Variants in SLIT3 observed in about 807,000 individuals in gnomAD.
The protein encoded by SLIT3 is slit guidance ligand 3.
In SLIT3, 68 loss-of-function variants were observed where a neutral mutation model predicts 184.0. The observed-to-expected ratio is 0.37, with a 90% confidence interval of 0.30 to 0.45. The LOEUF (loss-of-function observed/expected upper bound fraction) is 0.45, where lower values mean the gene tolerates loss of function less well. SLIT3 is among the 20% of genes least tolerant of loss of function. The pLI, the probability that SLIT3 is intolerant of heterozygous loss-of-function variation, is 1.00. For synonymous variants in SLIT3, 831 were observed against 828.6 expected (o/e 1.00, Z -0.05); for missense variants, 1,707 against 2,026.0 (o/e 0.84, Z 3.02).
chr5:169,144,358 C>G (rs1761857577), intron 4 of SLIT3, among the ~76,000 whole-genome samples: 1 of 152,166 alleles, frequency 6.6e-6, no homozygotes, highest in East Asian at 1.9e-4. Context: ...TGTCATGGCC[C>G]CTGCTTTACG....
chr5:169,249,412 T>C lies in SLIT3; in HGVS notation c.269+1976A>G, dbSNP rs568238034. Among the ~76,000 whole-genome samples the C allele has an allele frequency of 3.0e-3, 458 of 152,338 alleles. 1 individual carries two copies. The highest frequency in any genetic ancestry group is 0.011 in the African/African-American group (437 of 41,584). ...GGAATGTTGTAGACCATCCAGGGGA[T>C]ATTAAAACAATCTTTTGTGATTATT... On this transcript the variant is annotated intron_variant, in intron 2 of 35. Transcript: ENST00000519560.
chr5:168,768,354 A>T (rs1755420101), intron 14 of SLIT3: 1 of 458,976 alleles, frequency 2.2e-6, no homozygotes, highest in Admixed American at 2.4e-5. Context: ...ACTGAGCGTG[A>T]TTAGTATCAG....
chr5:169,291,745 A>T (rs1446973001), intron 1 of SLIT3, among the ~76,000 whole-genome samples: 1 of 152,220 alleles, frequency 6.6e-6, no homozygotes, highest in Non-Finnish European at 1.5e-5. Context: ...TTTAGAAGAC[A>T]GAAAAGGAGG....
At chr5:168,902,939 G>A (rs998163445) in intron 4 of SLIT3, among the ~76,000 whole-genome samples, 1 of 152,158 alleles carries the variant, frequency 6.6e-6, no homozygotes, top group South Asian at 2.1e-4. Context: ...GAGGACAGGA[G>A]GTGATGGGCA....
chr5:168,762,618 A>G lies in SLIT3; in HGVS notation c.1531T>C (p.Cys511Arg). Reference protein sequence around the residue: ...MDLVCPEKCRCEGTIVDCSNQ... With the variant: ...MDLVCPEKCRREGTIVDCSNQ... ...GAGCAGTCCACAATCGTGCCCTCACAGCGACACTTCTCGGGGCACACGAGG... is the reference window on the plus strand; with the variant it reads ...GAGCAGTCCACAATCGTGCCCTCACGGCGACACTTCTCGGGGCACACGAGG... Residue 511 changes from cysteine to arginine, a missense_variant, in exon 15 of 36, where the codon TGT (cysteine) becomes CGT (arginine). By Grantham distance (180) the Cys-to-Arg change is radical. Coordinates refer to ENST00000519560, the MANE Select transcript of SLIT3 (RefSeq NM_003062.4). 2 of 1,614,024 alleles carry G rather than the reference A, an allele frequency of 1.2e-6. No homozygotes were observed. Among genetic ancestry groups the G allele is most frequent in the Non-Finnish European group, 1.7e-6 (2 of 1,180,002 alleles).
At chr5:168,721,711 A>G (rs1026020294) in intron 23 of SLIT3, among the ~76,000 whole-genome samples, 16 of 152,210 alleles carry the variant, frequency 1.1e-4, no homozygotes, top group Non-Finnish European at 2.1e-4. Flanking sequence ...ACAGCTTATT[A>G]AGCTTTGTGT....
chr5:168,790,876 A>G (rs1173119893), intron 10 of SLIT3: 1 of 152,144 alleles, frequency 6.6e-6, no homozygotes, highest in East Asian at 1.9e-4. Flanking sequence ...CCATGCCACA[A>G]CCTTTGCTGA....
chr5:168,851,528 G>A (rs147844444), intron 5 of SLIT3, among the ~76,000 whole-genome samples: 3,005 of 152,184 alleles, frequency 0.02, 48 homozygotes, highest in Non-Finnish European at 0.033. Context: ...ACTTTTAGAC[G>A]AGGGGACCAA....
chr5:169,275,002 G>A (rs146837484), intron 1 of SLIT3, among the ~76,000 whole-genome samples: 230 of 152,330 alleles, frequency 1.5e-3, no homozygotes, highest in Middle Eastern at 6.8e-3. Context: ...AAACGTTAGC[G>A]CTTTGTACGG....
At chr5:168,999,975 G>A (rs1299779401) in intron 4 of SLIT3, among the ~76,000 whole-genome samples, 1 of 152,132 alleles carries the variant, frequency 6.6e-6, no homozygotes, top group African/African-American at 2.4e-5. Flanking sequence ...TTGGGGTCTG[G>A]GTATCCCCAT....
At chr5:169,130,391 G>C (rs913968220) in intron 4 of SLIT3, among the ~76,000 whole-genome samples, 2 of 152,220 alleles carry the variant, frequency 1.3e-5, no homozygotes, top group African/African-American at 4.8e-5. Flanking sequence ...AAAGAGCTGA[G>C]ATAACAGTGA....
At chr5:168,683,137 G>A (rs1761639096) in intron 32 of SLIT3, among the ~76,000 whole-genome samples, 1 of 152,088 alleles carries the variant, frequency 6.6e-6, no homozygotes. Flanking sequence ...AGGCTGAGGT[G>A]GGTGGAACAC....
chr5:169,058,055 A>G (rs1758063980), intron 4 of SLIT3, among the ~76,000 whole-genome samples: 1 of 152,262 alleles, frequency 6.6e-6, no homozygotes, highest in African/African-American at 2.4e-5. Flanking sequence ...TGTAAGGTAT[A>G]AAGCATGGAA....
intron 4 of SLIT3, among the ~76,000 whole-genome samples, chr5:168,998,893 CTGTGTGTGTGTGTGTG>C (rs71575505): frequency 1.4e-5 from 2 of 143,190 alleles, no homozygotes; most frequent in Admixed American, 7.0e-5. Flanking sequence ...ACCCAGAAAT[CTGTGTGTGTGTGTGTG>C]TGTGTGTGTG....
Position 168,782,266 on chromosome 5 carries a change from G to T in SLIT3, c.1151+3641C>A, listed in dbSNP as rs112214285. ...TTTGGTTTAAGACCACCTGGAGCGG[G>T]TTTAAAAGCTTCCACCTCAAATGAC... On this transcript the variant is annotated intron_variant, in intron 12 of 35. Coordinates refer to ENST00000519560, the MANE Select transcript of SLIT3 (RefSeq NM_003062.4). Among the ~76,000 whole-genome samples, 1,481 of 152,272 alleles carry T rather than the reference G, an allele frequency of 9.7e-3. 29 individuals carry two copies. The highest frequency in any genetic ancestry group is 0.034 in the African/African-American group (1,394 of 41,546).
chr5:169,101,730 TG>T (rs1203971563), intron 4 of SLIT3, among the ~76,000 whole-genome samples: 1 of 152,244 alleles, frequency 6.6e-6, no homozygotes, highest in Non-Finnish European at 1.5e-5. Context: ...TCTCATTATC[TG>T]AGTGCCACAA....
intron 1 of SLIT3, among the ~76,000 whole-genome samples, chr5:169,256,105 T>A (rs1441879660): frequency 6.6e-6 from 1 of 152,154 alleles, no homozygotes; most frequent in African/African-American, 2.4e-5. Context: ...ATACTATTTT[T>A]TTTTTATCTT....
chr5:168,747,501 G>A (rs748112151), intron 20 of SLIT3, among the ~76,000 whole-genome samples: 3 of 152,108 alleles, frequency 2.0e-5, no homozygotes, highest in Non-Finnish European at 2.9e-5. Flanking sequence ...CACATGGTGT[G>A]TGTTGGTTGT....
intron 29 of SLIT3, among the ~76,000 whole-genome samples, chr5:168,691,624 T>C (rs2113249630): frequency 6.6e-6 from 1 of 152,254 alleles, no homozygotes; most frequent in African/African-American, 2.4e-5. Context: ...TGTAAGGTCA[T>C]TTATGGGGTC....
Sources: allele counts gnomAD v4.1 joint callset (sites outside exome capture counted in the v4.1 genomes callset), GRCh38; gene constraint gnomAD v4.1.1; transcripts MANE v1.5; gene names NCBI Gene and HGNC (gene_info 2026-07-23, HGNC 2026-07-21).